INVS: variants seen among roughly 807,000 people sequenced by gnomAD.
INVS encodes the protein inversion of embryo turning homolog.
Under a neutral mutation model 108.8 loss-of-function variants are expected in INVS, and 86 were observed. The observed-to-expected ratio is 0.79, with a 90% CI of 0.66 to 0.95. The LOEUF (loss-of-function observed/expected upper bound fraction) is 0.95, where lower values mean the gene tolerates loss of function less well. INVS is among the 40% of genes least tolerant of loss of function. INVS has a pLI of 0.00. For missense variants in INVS, 1,169 were observed against 1,297.4 expected, an observed-to-expected ratio of 0.90 and a Z score of 1.52; for synonymous variants, 455 against 473.5, an observed-to-expected ratio of 0.96 and a Z score of 0.51.
At chr9:100,163,375 A>G (rs1428755751) in intron 3 of INVS, among the ~76,000 whole-genome samples, 2 of 152,096 alleles carry the variant, frequency 1.3e-5, no homozygotes, top group African/African-American at 4.8e-5. Flanking sequence ...TCAGAATTTA[A>G]AAAGCAATGA....
chr9:100,099,943 C>T (rs1025068244), intron 1 of INVS, among the ~76,000 whole-genome samples: 5 of 152,164 alleles, frequency 3.3e-5, no homozygotes, highest in African/African-American at 1.2e-4. Context: ...CCTGGAATGG[C>T]CTTACCCGTT....
chr9:100,106,766 A>T (rs777567983), intron 2 of INVS, among the ~76,000 whole-genome samples: 4 of 152,178 alleles, frequency 2.6e-5, no homozygotes, highest in Non-Finnish European at 4.4e-5. Flanking sequence ...AGATACGTTC[A>T]TTATAGTCAT....
intron 14 of INVS, 97 bp from the exon 15 acceptor site, chr9:100,296,820 A>G: frequency 2.1e-6 from 2 of 959,636 alleles, no homozygotes; most frequent in Admixed American, 2.0e-5. Context: ...CCAGGAATTC[A>G]GCAAATACTA....
intron 3 of INVS, among the ~76,000 whole-genome samples, chr9:100,146,568 C>T (rs1351983380): frequency 6.6e-6 from 1 of 152,104 alleles, no homozygotes; most frequent in Non-Finnish European, 1.5e-5. Flanking sequence ...TTTTGAGGTT[C>T]ATCCAAGCTG....
rs1833009431 is a variant in INVS at position 100,273,223 on chromosome 9, C to G, written c.1784+147C>G. The G allele has an allele frequency of 7.0e-6, 5 of 712,540 alleles. No individual in the cohort carries two copies. In the South Asian group the frequency reaches 7.5e-5, roughly 11 times the overall value. 44.1% of individuals were successfully genotyped at this position (712,540 alleles called of 1,614,324 possible). A position where few individuals can be genotyped will look rare whatever the true frequency, so the allele number is the denominator to read the frequency against. On this transcript the variant is annotated intron_variant, in intron 12 of 16. Coordinates refer to ENST00000262457, the MANE Select transcript of INVS (RefSeq NM_014425.5). ...CCTGCAACCGGTCATCTTCCCTCTT[C>G]TCAGCACTCCGTCTTCTGGAACCGA...
At chr9:100,158,152 A>T (rs1013451679) in intron 3 of INVS, among the ~76,000 whole-genome samples, 8 of 152,140 alleles carry the variant, frequency 5.3e-5, no homozygotes, top group Non-Finnish European at 1.2e-4. Flanking sequence ...CTTTCCTCTT[A>T]GTAGATCTAT....
chr9:100,167,278 G>C (rs922607084), intron 3 of INVS, among the ~76,000 whole-genome samples: 1 of 151,820 alleles, frequency 6.6e-6, no homozygotes, highest in African/African-American at 2.4e-5. Flanking sequence ...TATTTCCTGT[G>C]ATCTATCAAG....
chr9:100,163,093 C>T (rs1264541589), intron 3 of INVS, among the ~76,000 whole-genome samples: 1 of 151,984 alleles, frequency 6.6e-6, no homozygotes, highest in Non-Finnish European at 1.5e-5. Flanking sequence ...GTGGCATTGC[C>T]CTTTAGCTCT....
chr9:100,144,446 C>T (rs1828537947), intron 3 of INVS, among the ~76,000 whole-genome samples: 1 of 151,974 alleles, frequency 6.6e-6, no homozygotes, highest in African/African-American at 2.4e-5. Flanking sequence ...GGGTCTAGGG[C>T]TGTAAAGCGT....
At chr9:100,263,656 T>A (rs539296882) in intron 10 of INVS, among the ~76,000 whole-genome samples, 1 of 152,332 alleles carries the variant, frequency 6.6e-6, no homozygotes, top group East Asian at 1.9e-4. Flanking sequence ...ATCTACAACC[T>A]TAATTCTTCC....
chr9:100,131,264 G>C (rs989928077), intron 3 of INVS, among the ~76,000 whole-genome samples: 4 of 152,008 alleles, frequency 2.6e-5, no homozygotes, highest in African/African-American at 9.7e-5. Flanking sequence ...TACTTTTATA[G>C]AAAGTCATTA....
At chr9:100,235,968 A>C (rs1038511959) in intron 5 of INVS, among the ~76,000 whole-genome samples, 1 of 152,218 alleles carries the variant, frequency 6.6e-6, no homozygotes. Context: ...GTGTTTTCCA[A>C]CTTGGTTCCA....
At chr9:100,140,641 T>C (rs141107539) in intron 3 of INVS, among the ~76,000 whole-genome samples, 9 of 152,132 alleles carry the variant, frequency 5.9e-5, no homozygotes, top group African/African-American at 1.9e-4. Flanking sequence ...AGTGGTGAAG[T>C]GTTGGGACAG....
At chr9:100,200,491 G>A (rs753050196) in intron 3 of INVS, among the ~76,000 whole-genome samples, 3 of 152,002 alleles carry the variant, frequency 2.0e-5, no homozygotes, top group African/African-American at 4.8e-5. Context: ...TGAGTGTCTC[G>A]GTTTTTCCCT....
At chr9:100,164,669 A>G (rs1428819997) in intron 3 of INVS, among the ~76,000 whole-genome samples, 1 of 152,186 alleles carries the variant, frequency 6.6e-6, no homozygotes. Context: ...TCATGATAGT[A>G]CTTTTCAAAA....
In INVS at chr9:100,175,575, C is replaced by G. The variant is rs146046421; in HGVS notation, c.273+49026C>G. 7.1e-4 allele frequency: 509 copies of G among 713,662 alleles called. 3 individuals are homozygous for G. The African/African-American group carries it at 8.3e-3, about 12-fold the overall frequency. The allele number at this position is 713,662 out of a possible 1,614,324, so 44.2% of individuals were successfully genotyped here. On this transcript the variant is annotated intron_variant, in intron 3 of 16. Transcript: ENST00000262457. ...ACAGGTTAAGACTTGGTTCCAGAAC[C>G]AGAGAATAAAATATAAGAGGTGGCA... is the stretch of plus-strand genomic sequence containing the variant.
At position 100,104,558 on chromosome 9, in the gene INVS, T is replaced by C. The variant is rs749209360; in HGVS notation, c.37T>C (p.Ser13Pro). Residue 13 changes from serine to proline, a missense_variant, in exon 2 of 17, where the codon TCA (serine) becomes CCA (proline). Physicochemically the swap from Ser to Pro is moderately conservative, Grantham distance 74. Around this residue, in one of 3 missense-constraint regions of INVS, gnomAD observed 365 missense variants for 397.5 expected, o/e 0.92. Transcript: ENST00000262457. ...KSENLLFAGS[S>P]LASQVHAAAV... Reference sequence around the variant, plus strand: ...AGAGAACCTGCTGTTTGCTGGTTCATCATTAGCATCACAAGTCCATGCTGC... The same window carrying C: ...AGAGAACCTGCTGTTTGCTGGTTCACCATTAGCATCACAAGTCCATGCTGC... 6.2e-7 allele frequency: 1 copy of C among 1,614,188 alleles called. No individual in the cohort carries two copies. The highest frequency in any genetic ancestry group is 8.5e-7 in the Non-Finnish European group (1 of 1,180,006).
At chr9:100,192,989 T>C (rs1830269709) in intron 3 of INVS, among the ~76,000 whole-genome samples, 1 of 151,756 alleles carries the variant, frequency 6.6e-6, no homozygotes, top group South Asian at 2.1e-4. Context: ...TTTTTTTTTT[T>C]TTTTTCTGAT....
intron 3 of INVS, among the ~76,000 whole-genome samples, chr9:100,168,506 T>TTAGC (rs1489923505): frequency 2.0e-5 from 3 of 152,182 alleles, no homozygotes; most frequent in Non-Finnish European, 4.4e-5. Context: ...AGGGAAGGTG[T>TTAGC]TAGCTGCAGT....
Sources: allele counts gnomAD v4.1 joint callset (sites outside exome capture counted in the v4.1 genomes callset), GRCh38; gene constraint gnomAD v4.1.1; regional missense constraint gnomAD v4.1.1; transcripts MANE v1.5; gene names NCBI Gene and HGNC (gene_info 2026-07-23, HGNC 2026-07-21).